SDK1: variants seen among roughly 807,000 people sequenced by gnomAD.
SDK1 encodes the protein sidekick cell adhesion molecule 1.
A neutral mutation model predicts 245.5 loss-of-function variants in SDK1; 157 were observed. The observed-to-expected ratio is 0.64, with a 90% confidence interval of 0.56 to 0.73. The LOEUF is 0.73. Ranked by LOEUF, SDK1 falls within the 30% of genes least tolerant of loss-of-function variation. The pLI, the probability that SDK1 is intolerant of heterozygous loss-of-function variation, is 0.00. For synonymous variants in SDK1, 1,647 were observed against 1,278.5 expected, an observed-to-expected ratio of 1.29 and a Z score of -6.15; for missense variants, 3,583 against 3,002.3, an observed-to-expected ratio of 1.19 and a Z score of -4.52.
At chr7:3,752,547 G>A (rs578138441) in intron 4 of SDK1, among the ~76,000 whole-genome samples, 1 of 152,274 alleles carries the variant, frequency 6.6e-6, no homozygotes, top group African/African-American at 2.4e-5. Flanking sequence ...AATCAAAAAC[G>A]TGCCAGCAGA....
At chr7:4,092,461 C>G (rs371983589) in intron 22 of SDK1, among the ~76,000 whole-genome samples, 1 of 152,208 alleles carries the variant, frequency 6.6e-6, no homozygotes, top group East Asian at 1.9e-4. Flanking sequence ...GCCCTTGAGG[C>G]TGTGACTAGT....
intron 4 of SDK1, among the ~76,000 whole-genome samples, chr7:3,797,860 A>T (rs1341138514): frequency 1.3e-5 from 2 of 152,148 alleles, no homozygotes; most frequent in Non-Finnish European, 2.9e-5. Flanking sequence ...TCTGTCTTTC[A>T]GCTCACTTTT....
chr7:4,126,970 A>G (rs1784429880), intron 25 of SDK1, among the ~76,000 whole-genome samples: 1 of 152,152 alleles, frequency 6.6e-6, no homozygotes, highest in South Asian at 2.1e-4. Context: ...TCTTTTGTGT[A>G]AATCCTCACG....
intron 38 of SDK1, among the ~76,000 whole-genome samples, chr7:4,214,805 A>G (rs113374816): frequency 0.025 from 3,795 of 152,236 alleles, 70 homozygotes; most frequent in South Asian, 0.079. Flanking sequence ...TCCTCTAGAC[A>G]TGACACCTGG....
chr7:4,070,640 G>C (rs1780190730), intron 20 of SDK1, among the ~76,000 whole-genome samples: 1 of 151,762 alleles, frequency 6.6e-6, no homozygotes, highest in Non-Finnish European at 1.5e-5. Context: ...GTGCCAACCA[G>C]ATCCCCTGAT....
At chr7:3,326,617 C>G (rs1289367829) in intron 1 of SDK1, among the ~76,000 whole-genome samples, 2 of 152,140 alleles carry the variant, frequency 1.3e-5, no homozygotes, top group African/African-American at 4.8e-5. Flanking sequence ...TCCACTGAGT[C>G]CTCATTGCTA....
At chr7:3,850,311 T>C (rs982283025) in intron 5 of SDK1, among the ~76,000 whole-genome samples, 6 of 152,194 alleles carry the variant, frequency 3.9e-5, no homozygotes, top group Non-Finnish European at 8.8e-5. Context: ...TAAGTAAATA[T>C]ATGGAAAGCA....
At chr7:3,587,490 G>T (rs563009420) in intron 1 of SDK1, among the ~76,000 whole-genome samples, 26 of 152,136 alleles carry the variant, frequency 1.7e-4, no homozygotes, top group Non-Finnish European at 3.8e-4. Flanking sequence ...GAGTCTAAAG[G>T]CCTAAGAACC....
At chr7:3,692,727 A>G (rs1784468730) in intron 4 of SDK1, among the ~76,000 whole-genome samples, 1 of 152,124 alleles carries the variant, frequency 6.6e-6, no homozygotes, top group Admixed American at 6.5e-5. Flanking sequence ...ACATTATAGA[A>G]TATTTATACT....
chr7:3,776,485 C>G (rs1408572291), intron 4 of SDK1, among the ~76,000 whole-genome samples: 1 of 152,200 alleles, frequency 6.6e-6, no homozygotes, highest in Admixed American at 6.5e-5. Context: ...TGAACCCGAT[C>G]AGATCCCATT....
Position 4,233,345 on chromosome 7 carries a change from C to T in SDK1, c.5918C>T (p.Thr1973Ile), listed in dbSNP as rs1785924256. Residue 1973 changes from threonine to isoleucine, a missense_variant, in exon 41 of 45, where the codon ACT (threonine) becomes ATT (isoleucine). Coordinates refer to ENST00000404826, the MANE Select transcript of SDK1 (RefSeq NM_152744.4). ...CTGGATAAGCTCCGGCAAGGAGTGA[C>T]TTACGAGTTCCGGGTGGTGGCTGTG... ...LSLDKLRQGVTYEFRVVAVNE... is the reference protein window; with the variant it reads ...LSLDKLRQGVIYEFRVVAVNE... 1 of 1,613,952 alleles carries T rather than the reference C, an allele frequency of 6.2e-7. No homozygotes were observed.
intron 26 of SDK1, among the ~76,000 whole-genome samples, chr7:4,128,062 C>T (rs1380171895): frequency 1.3e-5 from 2 of 152,140 alleles, no homozygotes; most frequent in Non-Finnish European, 2.9e-5. Flanking sequence ...TCCATGCATC[C>T]ACCCCACCCC....
At chr7:3,552,454 C>G (rs758398583) in intron 1 of SDK1, among the ~76,000 whole-genome samples, 46 of 152,202 alleles carry the variant, frequency 3.0e-4, no homozygotes, top group Non-Finnish European at 4.3e-4. Context: ...CTACTAGTTT[C>G]TCACCTACCT....
intron 1 of SDK1, among the ~76,000 whole-genome samples, chr7:3,580,176 A>G (rs1780434321): frequency 6.6e-6 from 1 of 152,250 alleles, no homozygotes; most frequent in South Asian, 2.1e-4. Context: ...TTTCATAGTC[A>G]TGGTTAGGAA....
At chr7:3,957,945 A>G (rs1781396877) in intron 7 of SDK1, 1 of 470,228 alleles carries the variant, frequency 2.1e-6, no homozygotes, top group Admixed American at 2.4e-5. Context: ...CAGAAGTGAA[A>G]CATCACTTTG....
intron 17 of SDK1, among the ~76,000 whole-genome samples, chr7:4,036,565 G>A (rs1435911081): frequency 6.6e-6 from 1 of 152,060 alleles, no homozygotes; most frequent in African/African-American, 2.4e-5. Flanking sequence ...CATTTTACAC[G>A]TACACGTTAG....
At chr7:3,592,585 C>T (rs755655621) in intron 1 of SDK1, among the ~76,000 whole-genome samples, 13 of 152,136 alleles carry the variant, frequency 8.5e-5, no homozygotes, top group Non-Finnish European at 1.3e-4. Context: ...TTTCCCTGAG[C>T]TGGATTTTAC....
At chr7:3,695,048 A>G (rs909889150) in intron 4 of SDK1, among the ~76,000 whole-genome samples, 29 of 152,342 alleles carry the variant, frequency 1.9e-4, no homozygotes, top group African/African-American at 6.7e-4. Context: ...GAAACATATT[A>G]GAGACTCTAC....
intron 1 of SDK1, among the ~76,000 whole-genome samples, chr7:3,613,580 G>A (rs1038230464): frequency 1.3e-5 from 2 of 152,086 alleles, no homozygotes; most frequent in Non-Finnish European, 2.9e-5. Context: ...AAGACAGTGT[G>A]GTGATTCCTC....
Sources: allele counts gnomAD v4.1 joint callset (sites outside exome capture counted in the v4.1 genomes callset), GRCh38; gene constraint gnomAD v4.1.1; transcripts MANE v1.5; gene names NCBI Gene and HGNC (gene_info 2026-07-23, HGNC 2026-07-21).